Variants in THSD7A observed in about 807,000 individuals in gnomAD.
The protein encoded by THSD7A is thrombospondin type-1 domain-containing protein 7A.
THSD7A carries 96 observed loss-of-function variants against 231.3 expected under a neutral mutation model. The ratio of observed to expected loss-of-function variants is 0.41; its 90% CI spans 0.35 to 0.49. THSD7A has a LOEUF of 0.49. THSD7A is among the 20% of genes least tolerant of loss of function. The probability of loss-of-function intolerance (pLI) is 0.05; values close to 1 mark genes in which losing one functional copy is unlikely to be tolerated. For missense variants in THSD7A, 2,290 were observed against 2,070.2 expected, an observed-to-expected ratio of 1.11 and a Z score of -2.06; for synonymous variants, 940 against 743.3, an observed-to-expected ratio of 1.26 and a Z score of -4.30.
chr7:11,559,719 C>T (rs559663404), intron 4 of THSD7A, among the ~76,000 whole-genome samples: 11 of 151,966 alleles, frequency 7.2e-5, no homozygotes, highest in Non-Finnish European at 1.6e-4. Context: ...CTAACGGTCA[C>T]ATTATCAACT....
chr7:11,630,879 TAGAGCATTCC>T (rs1781624593), intron 2 of THSD7A, among the ~76,000 whole-genome samples: 1 of 152,238 alleles, frequency 6.6e-6, no homozygotes, highest in South Asian at 2.1e-4. Context: ...CTGCATCAGG[TAGAGCATTCC>T]AGAGGTGAGG....
chr7:11,538,244 C>CA (rs778378681), intron 6 of THSD7A, among the ~76,000 whole-genome samples: 1 of 151,636 alleles, frequency 6.6e-6, no homozygotes. Context: ...CAAAAACAAA[C>CA]AAAAAAATAA....
intron 1 of THSD7A, among the ~76,000 whole-genome samples, chr7:11,648,598 C>G (rs941035): frequency 0.15 from 22,087 of 150,210 alleles, 1,827 homozygotes; most frequent in Admixed American, 0.21. Context: ...CATGCAATAT[C>G]TACTAGGACC....
intron 1 of THSD7A, among the ~76,000 whole-genome samples, chr7:11,718,182 C>CA (rs1781209806): frequency 6.6e-6 from 1 of 151,516 alleles, no homozygotes; most frequent in Admixed American, 6.6e-5. Context: ...ATAGCAAATG[C>CA]AAAATTTATG....
chr7:11,578,551 G>T (rs983311950), intron 4 of THSD7A, among the ~76,000 whole-genome samples: 1 of 152,144 alleles, frequency 6.6e-6, no homozygotes, highest in Admixed American at 6.5e-5. Flanking sequence ...AAAACACTAT[G>T]CCCTCTCTCA....
At chr7:11,763,992 A>T (rs1170485982) in intron 1 of THSD7A, among the ~76,000 whole-genome samples, 1 of 152,216 alleles carries the variant, frequency 6.6e-6, no homozygotes, top group Non-Finnish European at 1.5e-5. Context: ...TCAGCTATCC[A>T]TTATATTATT....
intron 22 of THSD7A, 124 bp from the exon 23 acceptor site, chr7:11,402,092 G>T: frequency 4.2e-6 from 3 of 714,294 alleles, no homozygotes; most frequent in Non-Finnish European, 6.7e-6. Context: ...ATATTTATAA[G>T]ATTTAAATAA....
intron 13 of THSD7A, among the ~76,000 whole-genome samples, chr7:11,439,233 A>T (rs1178392764): frequency 1.3e-5 from 2 of 152,004 alleles, no homozygotes; most frequent in Non-Finnish European, 2.9e-5. Context: ...TAAAGAAACA[A>T]TGTAAGTATA....
intron 6 of THSD7A, among the ~76,000 whole-genome samples, chr7:11,538,417 C>G (rs939128112): frequency 6.6e-6 from 1 of 152,052 alleles, no homozygotes; most frequent in Admixed American, 6.5e-5. Flanking sequence ...AGGAATAATA[C>G]TTTTTTCCCC....
intron 5 of THSD7A, among the ~76,000 whole-genome samples, 151 bp from the exon 6 acceptor site, chr7:11,541,782 A>G (rs1376956550): frequency 6.6e-6 from 1 of 152,146 alleles, no homozygotes; most frequent in African/African-American, 2.4e-5. Flanking sequence ...AACTGTAGCT[A>G]ATGTGAGGTC....
At chr7:11,677,576 A>ATATT (rs1217432857) in intron 1 of THSD7A, among the ~76,000 whole-genome samples, 4 of 129,906 alleles carry the variant, frequency 3.1e-5, no homozygotes, top group Non-Finnish European at 4.7e-5. Context: ...GACCAAGCAA[A>ATATT]TGGAAAGCAA....
chr7:11,739,808 C>G (rs1782044975), intron 1 of THSD7A, among the ~76,000 whole-genome samples: 2 of 151,868 alleles, frequency 1.3e-5, no homozygotes, highest in East Asian at 3.9e-4. Flanking sequence ...CCCCAGAAAG[C>G]AGAGGTAGGA....
chr7:11,457,867 C>A (rs1167251946), intron 11 of THSD7A, among the ~76,000 whole-genome samples: 1 of 152,086 alleles, frequency 6.6e-6, no homozygotes, highest in Non-Finnish European at 1.5e-5. Context: ...AGTCCCAACC[C>A]GTACTTTAAG....
chr7:11,453,496 A>C (rs1785209057), intron 11 of THSD7A, among the ~76,000 whole-genome samples: 2 of 152,012 alleles, frequency 1.3e-5, no homozygotes, highest in African/African-American at 4.8e-5. Flanking sequence ...GTTGGCTTCC[A>C]TCTAAAGAGA....
intron 11 of THSD7A, among the ~76,000 whole-genome samples, chr7:11,456,735 G>A (rs1192371490): frequency 6.6e-6 from 1 of 151,930 alleles, no homozygotes; most frequent in African/African-American, 2.4e-5. Flanking sequence ...GCAGCCATAG[G>A]CAATATGTAA....
chr7:11,637,192 G>C lies in THSD7A; in HGVS notation c.191-231C>G, dbSNP rs1292601640. Among the ~76,000 whole-genome samples, 8 of 152,232 alleles carry C rather than the reference G, an allele frequency of 5.3e-5. No homozygotes were observed. The highest frequency in any genetic ancestry group is 1.9e-4 in the African/African-American group (8 of 41,544). ...GTAACTTCTGGGACAATTTCACTTT[G>C]GGTCCTTTAGGGATTACGAAAAGTT... On this transcript the variant is annotated intron_variant, in intron 1 of 27. Transcript: ENST00000423059. The surrounding 1 kb of genome is among the most constrained non-coding windows in gnomAD (Gnocchi z 4.2).
chr7:11,781,878 C>T (rs906588032), intron 1 of THSD7A, among the ~76,000 whole-genome samples: 1 of 151,832 alleles, frequency 6.6e-6, no homozygotes, highest in African/African-American at 2.4e-5. Context: ...ATATGTAGAC[C>T]AGGGTTTCCT....
intron 11 of THSD7A, among the ~76,000 whole-genome samples, chr7:11,454,797 T>C (rs1397487154): frequency 1.3e-5 from 2 of 152,154 alleles, no homozygotes; most frequent in South Asian, 2.1e-4. Context: ...ATGTATTATA[T>C]TGAATTATAT....
intron 11 of THSD7A, among the ~76,000 whole-genome samples, chr7:11,456,779 A>G (rs6948024): frequency 0.34 from 51,838 of 151,844 alleles, 8,885 homozygotes; most frequent in Middle Eastern, 0.45. Context: ...GATAAAACTA[A>G]TTACAAAAAA....
Sources: gnomAD v4.1 joint callset for allele counts (sites outside exome capture counted in the v4.1 genomes callset) on GRCh38, gnomAD v4.1.1 for gene constraint, Gnocchi (gnomAD v3.1) non-coding constraint, MANE v1.5 for transcripts, NCBI Gene and HGNC (gene_info 2026-07-23, HGNC 2026-07-21) for gene names.